The following LRP6 variants were observed in gnomAD, a reference collection of about 807,000 sequenced individuals.
LRP6 encodes the protein LDL receptor related protein 6, also known as low-density lipoprotein receptor-related protein 6.
LRP6 carries 43 observed loss-of-function variants against 184.1 expected under a neutral mutation model. That is an observed-to-expected ratio of 0.23 (90% CI 0.18 to 0.30). LRP6 has a LOEUF of 0.30. Among genes scored for constraint, LRP6 ranks in the 10% least tolerant of loss-of-function variants. LRP6 has a pLI of 1.00. For missense variants in LRP6, 1,571 were observed against 2,005.3 expected, an observed-to-expected ratio of 0.78 and a Z score of 4.14; for synonymous variants, 719 against 684.9, an observed-to-expected ratio of 1.05 and a Z score of -0.78.
intron 22 of LRP6, among the ~76,000 whole-genome samples, chr12:12,122,709 G>A (rs1195803884): frequency 1.3e-5 from 2 of 152,130 alleles, no homozygotes; most frequent in Non-Finnish European, 2.9e-5. Context: ...ACACACACCT[G>A]TAGTCCCAGC....
At chr12:12,167,784 T>C (rs1191858577) in intron 7 of LRP6, among the ~76,000 whole-genome samples, 3 of 152,228 alleles carry the variant, frequency 2.0e-5, no homozygotes, top group Admixed American at 1.3e-4. Context: ...TTTATTAAAA[T>C]GCTTTAGTTC....
chr12:12,244,754 G>A lies in LRP6; in HGVS notation c.56-99C>T, dbSNP rs940146761. The A allele has an allele frequency of 1.6e-4, 161 of 1,032,062 alleles. 2 individuals are homozygous for A. The highest frequency in any genetic ancestry group is 1.2e-3 in the African/African-American group (75 of 61,568). 63.9% of individuals were successfully genotyped at this position (1,032,062 alleles called of 1,614,324 possible). On this transcript the variant is annotated intron_variant, in intron 1 of 22. Coordinates refer to ENST00000261349, the MANE Select transcript of LRP6 (RefSeq NM_002336.3). ...TCGGTTTAAGTGAGCAAAGACTGTC[G>A]AAAATAAGAAAAGAATAAATAAATC...
chr12:12,236,459 GACACCAGA>G (rs1246028298), intron 2 of LRP6, among the ~76,000 whole-genome samples: 1 of 152,132 alleles, frequency 6.6e-6, no homozygotes, highest in Non-Finnish European at 1.5e-5. Context: ...GAACATTTCT[GACACCAGA>G]TCGCTGGGCG....
intron 10 of LRP6, among the ~76,000 whole-genome samples, chr12:12,161,331 G>T (rs986572070): frequency 1.3e-5 from 2 of 151,874 alleles, no homozygotes; most frequent in African/African-American, 2.4e-5. Flanking sequence ...GCAGTGGCAC[G>T]ATCTCGGCTC....
At chr12:12,162,978 C>A (rs1217107399) in intron 9 of LRP6, among the ~76,000 whole-genome samples, 1 of 151,958 alleles carries the variant, frequency 6.6e-6, no homozygotes, top group East Asian at 1.9e-4. Context: ...TGGCATCACC[C>A]CTATTTTATG....
intron 12 of LRP6, among the ~76,000 whole-genome samples, chr12:12,152,888 A>C (rs1211076464): frequency 1.3e-5 from 2 of 152,226 alleles, no homozygotes; most frequent in Non-Finnish European, 2.9e-5. Flanking sequence ...ATCAGTACTC[A>C]CAAAGAAACT....
At chr12:12,190,952 G>A (rs1863596753) in intron 3 of LRP6, among the ~76,000 whole-genome samples, 1 of 152,124 alleles carries the variant, frequency 6.6e-6, no homozygotes, top group Non-Finnish European at 1.5e-5. Flanking sequence ...ACAAAGCTAG[G>A]TAAAACCCAA....
intron 2 of LRP6, among the ~76,000 whole-genome samples, chr12:12,232,375 C>T (rs1451445624): frequency 6.7e-6 from 1 of 148,176 alleles, no homozygotes; most frequent in Non-Finnish European, 1.5e-5. Context: ...CAGAGTGAGA[C>T]GCTGTCTCAA....
At chr12:12,196,391 T>A (rs1339524615) in intron 3 of LRP6, among the ~76,000 whole-genome samples, 1 of 152,118 alleles carries the variant, frequency 6.6e-6, no homozygotes, top group Non-Finnish European at 1.5e-5. Context: ...TTTGCAGCTT[T>A]ATCTGAAGAG....
intron 18 of LRP6, among the ~76,000 whole-genome samples, chr12:12,131,298 T>C (rs957037306): frequency 6.6e-6 from 1 of 151,720 alleles, no homozygotes; most frequent in African/African-American, 2.4e-5. Flanking sequence ...TTAGTAGAGA[T>C]GGGGTTTCAC....
In LRP6 at chr12:12,116,162, G is replaced by A. The variant is rs113984250; in HGVS notation, c.*4964C>T. The A allele has an allele frequency of 1.3e-5, 2 of 152,268 alleles. No homozygotes were observed. The highest frequency in any genetic ancestry group is 4.8e-5 in the African/African-American group (2 of 41,548). The allele number at this position is 152,268 out of a possible 1,614,324, so 9.4% of individuals were successfully genotyped here. A position where few individuals can be genotyped will look rare whatever the true frequency, so the allele number is the denominator to read the frequency against. On this transcript the variant is annotated 3_prime_UTR_variant, in exon 23 of 23. Coordinates refer to ENST00000261349, the MANE Select transcript of LRP6 (RefSeq NM_002336.3). ...TAATTAAAGCACTTATTTTACAAAAGGAGGGAAGTGAATAAGTGGACAAGG... is the reference window on the plus strand; with the variant it reads ...TAATTAAAGCACTTATTTTACAAAAAGAGGGAAGTGAATAAGTGGACAAGG...
In LRP6 at chr12:12,253,296, C is replaced by T. The variant is rs568436032; in HGVS notation, c.56-8641G>A. Among the ~76,000 whole-genome samples the T allele has an allele frequency of 1.1e-4, 17 of 152,170 alleles. No individual in the cohort carries two copies. In the East Asian group the frequency reaches 2.7e-3, roughly 24 times the overall value. ...AATAATAAAATAAAGTTAATCATTACGCTTATAGATATGCTTTTGTCTAAC... is the reference window on the plus strand; with the variant it reads ...AATAATAAAATAAAGTTAATCATTATGCTTATAGATATGCTTTTGTCTAAC... On this transcript the variant is annotated intron_variant, in intron 1 of 22. Transcript: ENST00000261349.
intron 2 of LRP6, among the ~76,000 whole-genome samples, chr12:12,222,767 G>A (rs1449256760): frequency 6.6e-6 from 1 of 152,004 alleles, no homozygotes; most frequent in Admixed American, 6.6e-5. Context: ...ATCAGAATCT[G>A]CACTGTAATA....
At chr12:12,197,546 TAGTA>T (rs1273971494) in intron 3 of LRP6, among the ~76,000 whole-genome samples, 4 of 152,368 alleles carry the variant, frequency 2.6e-5, no homozygotes, top group Admixed American at 6.5e-5. Flanking sequence ...AAGCGCATAC[TAGTA>T]AGTAACTTTC....
chr12:12,250,811 C>T (rs1865307079), intron 1 of LRP6, among the ~76,000 whole-genome samples: 1 of 151,904 alleles, frequency 6.6e-6, no homozygotes, highest in Admixed American at 6.6e-5. Context: ...TTAGTAGAGG[C>T]AGGTTTCACC....
At chr12:12,134,198 T>C (rs1452500166) in intron 17 of LRP6, among the ~76,000 whole-genome samples, 1 of 152,214 alleles carries the variant, frequency 6.6e-6, no homozygotes, top group Non-Finnish European at 1.5e-5. Context: ...TCTCTTTCAA[T>C]ATTTGTTTAC....
chr12:12,184,188 C>T (rs1224734167), intron 4 of LRP6, 77 bp from the exon 5 acceptor site: 1 of 1,251,556 alleles, frequency 8.0e-7, no homozygotes, highest in East Asian at 2.4e-5. Context: ...ACATGAACAA[C>T]TGTGATAAGC....
intron 20 of LRP6, 67 bp from the exon 21 acceptor site, chr12:12,125,499 T>C (rs1949660980): frequency 7.3e-7 from 1 of 1,373,894 alleles, no homozygotes; most frequent in South Asian, 1.2e-5. Flanking sequence ...AGCAATTTCA[T>C]TCAACAGTAG....
chr12:12,168,522 C>T (rs1241268249), intron 7 of LRP6, among the ~76,000 whole-genome samples: 1 of 152,018 alleles, frequency 6.6e-6, no homozygotes, highest in Non-Finnish European at 1.5e-5. Flanking sequence ...CAGATACCAC[C>T]CTATGGCAGG....
Sources: allele counts gnomAD v4.1 joint callset (sites outside exome capture counted in the v4.1 genomes callset), GRCh38; gene constraint gnomAD v4.1.1; transcripts MANE v1.5; gene names NCBI Gene and HGNC (gene_info 2026-07-23, HGNC 2026-07-21).